Variants in GALNT17 observed in about 807,000 individuals in gnomAD.
The protein encoded by GALNT17 is polypeptide N-acetylgalactosaminyltransferase 17.
Under a neutral mutation model 63.7 loss-of-function variants are expected in GALNT17, and 29 were observed. The ratio of observed to expected loss-of-function variants is 0.46; its 90% confidence interval spans 0.34 to 0.62. GALNT17 has a LOEUF of 0.62. Ranked by LOEUF, GALNT17 falls within the 20% of genes least tolerant of loss-of-function variation. GALNT17 has a pLI of 0.01. For synonymous variants in GALNT17, 305 were observed against 318.3 expected, an observed-to-expected ratio of 0.96 and a Z score of 0.45; for missense variants, 603 against 799.6, an observed-to-expected ratio of 0.75 and a Z score of 2.97.
chr7:71,388,096 A>G (rs971794274), intron 2 of GALNT17, 139 bp from the exon 3 acceptor site: 1 of 826,062 alleles, frequency 1.2e-6, no homozygotes, highest in African/African-American at 1.7e-5. Context: ...TTAGCCAAGG[A>G]GAAGCCTAAG....
chr7:71,577,187 A>ACCC (rs1789553118), intron 6 of GALNT17, among the ~76,000 whole-genome samples: 1 of 152,132 alleles, frequency 6.6e-6, no homozygotes, highest in Non-Finnish European at 1.5e-5. Flanking sequence ...TAAAGATGGG[A>ACCC]ATGACAGACA....
At chr7:71,465,369 G>C (rs200657609) in intron 5 of GALNT17, among the ~76,000 whole-genome samples, 1 of 152,138 alleles carries the variant, frequency 6.6e-6, no homozygotes, top group East Asian at 1.9e-4. Context: ...TCACCCTTTG[G>C]GGGGTGTCAG....
Position 71,157,602 on chromosome 7 carries a change from G to C in GALNT17, c.238+24562G>C, listed in dbSNP as rs145310466. Reference sequence around the variant, plus strand: ...GAACTGGGGAGGCAGAGGTTGCAGCGAGCCGAGATTGCGCCACTGCTTTCC... The same window carrying C: ...GAACTGGGGAGGCAGAGGTTGCAGCCAGCCGAGATTGCGCCACTGCTTTCC... On this transcript the variant is annotated intron_variant, in intron 1 of 10. Coordinates refer to ENST00000333538, the MANE Select transcript of GALNT17 (RefSeq NM_022479.3). Among the ~76,000 whole-genome samples the C allele has an allele frequency of 1.0e-3, 153 of 151,912 alleles. 4 individuals carry two copies. The East Asian group carries it at 0.028, about 27-fold the overall frequency.
chr7:71,580,373 AGATGATAGATAAATTGATAGATG>A (rs1297724920), intron 6 of GALNT17, among the ~76,000 whole-genome samples: 1 of 150,362 alleles, frequency 6.7e-6, no homozygotes, highest in Non-Finnish European at 1.5e-5. Context: ...ATATATAAAT[AGATGATAGATAAATTGATAGATG>A]GATGATAGAT....
At chr7:71,466,737 C>CATAACATTTTATGCAGT (rs1787542632) in intron 5 of GALNT17, among the ~76,000 whole-genome samples, 1 of 152,126 alleles carries the variant, frequency 6.6e-6, no homozygotes, top group Non-Finnish European at 1.5e-5. Flanking sequence ...CTTGAAACTC[C>CATAACATTTTATGCAGT]GCAGACAAAA....
Position 71,608,819 on chromosome 7 carries a change from C to T in GALNT17, c.1080+37417C>T, listed in dbSNP as rs146647251. Among the ~76,000 whole-genome samples the T allele has an allele frequency of 5.9e-3, 899 of 152,226 alleles. 7 individuals are homozygous for T. Among genetic ancestry groups the T allele is most frequent in the African/African-American group, 0.02 (831 of 41,550 alleles). On this transcript the variant is annotated intron_variant, in intron 6 of 10. Transcript: ENST00000333538. ...TTAGAAATGGGGTCTTGCTCTGTCACCTAGGCTGGAGTGCACTGGTGCAAT... is the reference window on the plus strand; with the variant it reads ...TTAGAAATGGGGTCTTGCTCTGTCATCTAGGCTGGAGTGCACTGGTGCAAT...
chr7:71,456,783 G>A (rs1787364311), intron 5 of GALNT17, among the ~76,000 whole-genome samples: 1 of 152,176 alleles, frequency 6.6e-6, no homozygotes, highest in Non-Finnish European at 1.5e-5. Flanking sequence ...GAAGGTTCAG[G>A]ACACACCTGT....
chr7:71,467,988 A>G (rs1787565023), intron 5 of GALNT17, among the ~76,000 whole-genome samples: 1 of 152,102 alleles, frequency 6.6e-6, no homozygotes, highest in Non-Finnish European at 1.5e-5. Flanking sequence ...GCATGTGGGA[A>G]AGACTATGGT....
chr7:71,485,927 C>G (rs993984537), intron 5 of GALNT17, among the ~76,000 whole-genome samples: 1 of 152,170 alleles, frequency 6.6e-6, no homozygotes, highest in Non-Finnish European at 1.5e-5. Flanking sequence ...TTACGTTTCT[C>G]TGATTGGAGC....
chr7:71,634,493 C>A (rs1790500192), intron 6 of GALNT17, among the ~76,000 whole-genome samples: 1 of 152,152 alleles, frequency 6.6e-6, no homozygotes, highest in African/African-American at 2.4e-5. Context: ...GTGGCTCACG[C>A]CTGTAATCCC....
Position 71,658,706 on chromosome 7 carries a change from G to A in GALNT17, c.1081-6705G>A, listed in dbSNP as rs144383491. Among the ~76,000 whole-genome samples, 792 of 152,114 alleles carry A rather than the reference G, an allele frequency of 5.2e-3. 4 individuals carry two copies. The highest frequency in any genetic ancestry group is 0.018 in the African/African-American group (757 of 41,514). ...AGTTCAAGACCGGTCTGGCCAACAT[G>A]GCAAAACCCCATCTCTACTAAAAAT... On this transcript the variant is annotated intron_variant, in intron 6 of 10. Coordinates refer to ENST00000333538, the MANE Select transcript of GALNT17 (RefSeq NM_022479.3).
intron 5 of GALNT17, among the ~76,000 whole-genome samples, chr7:71,514,358 C>T (rs990495636): frequency 6.6e-6 from 1 of 151,992 alleles, no homozygotes; most frequent in African/African-American, 2.4e-5. Context: ...GTAAGGTACC[C>T]TTACCAGGTG....
At chr7:71,496,306 G>T (rs1186523955) in intron 5 of GALNT17, among the ~76,000 whole-genome samples, 1 of 152,002 alleles carries the variant, frequency 6.6e-6, no homozygotes, top group Non-Finnish European at 1.5e-5. Flanking sequence ...GTTTGTGCTG[G>T]CTCAAAGCAT....
rs564627725 is a variant in GALNT17, at chr7:71,418,058, T to A, written c.764+1995T>A. 2.0e-5 allele frequency among the ~76,000 whole-genome samples: 3 copies of A among 152,266 alleles called. No homozygotes were observed. In the South Asian group the frequency reaches 6.2e-4, roughly 32 times the overall value. On this transcript the variant is annotated intron_variant, in intron 4 of 10. Coordinates refer to ENST00000333538, the MANE Select transcript of GALNT17 (RefSeq NM_022479.3). ...CCCTGGTGCTGTTCTAGGTTTGGAG[T>A]TTGGCACTGAGTGATTTCTCAGGAC... is the stretch of plus-strand genomic sequence containing the variant.
At chr7:71,698,697 G>C (rs1791580731) in intron 9 of GALNT17, among the ~76,000 whole-genome samples, 1 of 152,054 alleles carries the variant, frequency 6.6e-6, no homozygotes, top group African/African-American at 2.4e-5. Context: ...AGAGGAGAAA[G>C]AAGGAAACAG....
At chr7:71,689,105 G>C (rs1023840482) in intron 9 of GALNT17, among the ~76,000 whole-genome samples, 3 of 152,142 alleles carry the variant, frequency 2.0e-5, no homozygotes, top group Middle Eastern at 3.4e-3. Flanking sequence ...AGACAGGACC[G>C]CGAACGTAAA....
chr7:71,215,221 A>T (rs1789455890), intron 1 of GALNT17, among the ~76,000 whole-genome samples: 1 of 152,152 alleles, frequency 6.6e-6, no homozygotes, highest in South Asian at 2.1e-4. Flanking sequence ...TTCCGGATTC[A>T]TTCCCCTTGC....
At chr7:71,306,653 G>A (rs1020667942) in intron 1 of GALNT17, among the ~76,000 whole-genome samples, 8 of 152,126 alleles carry the variant, frequency 5.3e-5, no homozygotes, top group African/African-American at 1.4e-4. Context: ...GCCATTGAAA[G>A]TAATGGCAAA....
At chr7:71,555,373 C>T (rs1358649650) in intron 5 of GALNT17, among the ~76,000 whole-genome samples, 2 of 151,300 alleles carry the variant, frequency 1.3e-5, no homozygotes, top group African/African-American at 2.4e-5. Context: ...TGGGAGTGTG[C>T]CTGAACAGAG....
Sources: gnomAD v4.1 joint callset for allele counts (sites outside exome capture counted in the v4.1 genomes callset) on GRCh38, gnomAD v4.1.1 for gene constraint, MANE v1.5 for transcripts, NCBI Gene and HGNC (gene_info 2026-07-23, HGNC 2026-07-21) for gene names.